CADM2: variants seen among roughly 807,000 people sequenced by gnomAD.
CADM2 encodes the protein cell adhesion molecule 2.
CADM2 carries 12 observed loss-of-function variants against 49.8 expected under a neutral mutation model. The observed-to-expected ratio is 0.24, with a 90% CI of 0.15 to 0.39. The LOEUF is 0.39. Ranked by LOEUF, CADM2 falls within the 10% of genes least tolerant of loss-of-function variation. CADM2 has a pLI of 1.00. For missense variants in CADM2, 378 were observed against 492.3 expected (o/e 0.77, Z 2.20); for synonymous variants, 214 against 175.4 (o/e 1.22, Z -1.74).
chr3:85,547,863 C>A (rs2061704240), intron 1 of CADM2, among the ~76,000 whole-genome samples: 1 of 152,138 alleles, frequency 6.6e-6, no homozygotes, highest in Non-Finnish European at 1.5e-5. Context: ...TCTACACAGT[C>A]GCAGAGATGG....
At chr3:85,422,282 C>A (rs1174010522) in intron 1 of CADM2, among the ~76,000 whole-genome samples, 1 of 151,998 alleles carries the variant, frequency 6.6e-6, no homozygotes, top group East Asian at 1.9e-4. Context: ...TGAAATAATG[C>A]AGCAGCCTTT....
chr3:85,085,380 G>A (rs2037327868), intron 1 of CADM2, among the ~76,000 whole-genome samples: 1 of 151,870 alleles, frequency 6.6e-6, no homozygotes, highest in South Asian at 2.1e-4. Context: ...TTGTTGCAAA[G>A]GACAGTATTT....
intron 1 of CADM2, among the ~76,000 whole-genome samples, chr3:85,379,203 A>G (rs555895931): frequency 6.6e-6 from 1 of 151,988 alleles, no homozygotes; most frequent in Non-Finnish European, 1.5e-5. Flanking sequence ...TTTCATGATG[A>G]TTGCTTAAGT....
intron 1 of CADM2, among the ~76,000 whole-genome samples, chr3:85,524,518 A>G (rs2061113503): frequency 6.6e-6 from 1 of 152,110 alleles, no homozygotes; most frequent in Non-Finnish European, 1.5e-5. Flanking sequence ...GAATCTTTTT[A>G]AATTCAATAA....
At chr3:86,054,639 T>TA (rs928267897) in intron 8 of CADM2, among the ~76,000 whole-genome samples, 3 of 152,084 alleles carry the variant, frequency 2.0e-5, no homozygotes, top group Non-Finnish European at 4.4e-5. Flanking sequence ...ACTAAGTATT[T>TA]AAAAAATTCT....
chr3:86,044,351 A>C (rs1044901499), intron 8 of CADM2, among the ~76,000 whole-genome samples: 1 of 152,218 alleles, frequency 6.6e-6, no homozygotes, highest in African/African-American at 2.4e-5. Context: ...CAATGAACTC[A>C]AACAAATTTA....
chr3:85,923,830 T>A (rs987618887), intron 6 of CADM2, among the ~76,000 whole-genome samples: 1 of 152,218 alleles, frequency 6.6e-6, no homozygotes, highest in Non-Finnish European at 1.5e-5. Context: ...GTATTGTGAC[T>A]AAGGAAATGC....
intron 1 of CADM2, among the ~76,000 whole-genome samples, chr3:85,124,379 G>A (rs1239096594): frequency 6.6e-6 from 1 of 152,104 alleles, no homozygotes; most frequent in Non-Finnish European, 1.5e-5. Flanking sequence ...AAATGCAGGA[G>A]GATTGCTTGA....
intron 2 of CADM2, among the ~76,000 whole-genome samples, chr3:85,801,311 G>A (rs1055309740): frequency 1.3e-5 from 2 of 152,112 alleles, no homozygotes; most frequent in East Asian, 3.9e-4. Context: ...AAATTAACAA[G>A]GGTCATTTAA....
At chr3:85,247,008 T>A (rs186161824) in intron 1 of CADM2, among the ~76,000 whole-genome samples, 1 of 151,598 alleles carries the variant, frequency 6.6e-6, no homozygotes, top group Non-Finnish European at 1.5e-5. Flanking sequence ...TGTTGTTTAA[T>A]CAGATCTGAC....
At chr3:85,371,809 A>G (rs1207819693) in intron 1 of CADM2, among the ~76,000 whole-genome samples, 1 of 150,284 alleles carries the variant, frequency 6.7e-6, no homozygotes, top group Non-Finnish European at 1.5e-5. Flanking sequence ...AACTTTTTGT[A>G]TACTTGGGTT....
At chr3:85,147,529 TA>T (rs1416285965) in intron 1 of CADM2, among the ~76,000 whole-genome samples, 1 of 152,092 alleles carries the variant, frequency 6.6e-6, no homozygotes, top group Non-Finnish European at 1.5e-5. Context: ...TAATAATTAA[TA>T]ACATTAATAA....
At chr3:85,448,106 C>T (rs1173917937) in intron 1 of CADM2, among the ~76,000 whole-genome samples, 6 of 151,864 alleles carry the variant, frequency 4.0e-5, no homozygotes, top group South Asian at 2.1e-4. Context: ...GCGAGGCGGG[C>T]GGATCACGAG....
chr3:85,744,534 T>C (rs974127193), intron 2 of CADM2, among the ~76,000 whole-genome samples: 2 of 143,256 alleles, frequency 1.4e-5, no homozygotes, highest in Non-Finnish European at 3.0e-5. Context: ...AGATAAATAA[T>C]AAATAAATAA....
chr3:85,228,913 T>G (rs2042221949), intron 1 of CADM2, among the ~76,000 whole-genome samples: 1 of 152,116 alleles, frequency 6.6e-6, no homozygotes, highest in Non-Finnish European at 1.5e-5. Flanking sequence ...CTGCCGAAGC[T>G]TTGCCCACAG....
At chr3:85,926,570 A>C (rs1719904527) in intron 6 of CADM2, among the ~76,000 whole-genome samples, 1 of 152,188 alleles carries the variant, frequency 6.6e-6, no homozygotes, top group South Asian at 2.1e-4. Flanking sequence ...TAATATTGCG[A>C]TAAGGCAAAG....
chr3:85,511,828 A>G, intron 1 of CADM2: 1 of 960,866 alleles, frequency 1.0e-6, no homozygotes, highest in Non-Finnish European at 1.2e-6. Context: ...TTTGAAACTA[A>G]TGGCATGTTT....
intron 1 of CADM2, among the ~76,000 whole-genome samples, chr3:85,190,957 A>G (rs962562223): frequency 4.6e-5 from 7 of 152,136 alleles, no homozygotes; most frequent in African/African-American, 1.7e-4. Context: ...CAAAATACAG[A>G]TATGTAAAGA....
chr3:85,753,011 C>T (rs1168438980), intron 2 of CADM2, among the ~76,000 whole-genome samples: 1 of 151,960 alleles, frequency 6.6e-6, no homozygotes, highest in Non-Finnish European at 1.5e-5. Context: ...AAAATGTTCA[C>T]AGAAATATTT....
Sources: allele counts gnomAD v4.1 joint callset (sites outside exome capture counted in the v4.1 genomes callset), GRCh38; gene constraint gnomAD v4.1.1; transcripts MANE v1.5; gene names NCBI Gene and HGNC (gene_info 2026-07-23, HGNC 2026-07-21).